KNL1: variants seen among roughly 807,000 people sequenced by gnomAD.
KNL1 encodes the protein kinetochore scaffold 1, also known as outer kinetochore KNL1 complex subunit KNL1.
KNL1 carries 66 observed loss-of-function variants against 201.3 expected under a neutral mutation model. The observed-to-expected ratio is 0.33, with a 90% CI of 0.27 to 0.40. The LOEUF (loss-of-function observed/expected upper bound fraction) is 0.40. Among genes scored for constraint, KNL1 ranks in the 10% least tolerant of loss-of-function variants. The pLI is 1.00. For missense variants in KNL1, 2,815 were observed against 2,690.5 expected (o/e 1.05, Z -1.02); for synonymous variants, 895 against 899.2 (o/e 1.00, Z 0.08).
chr15:40,617,383 T>C (rs942331861), intron 8 of KNL1, among the ~76,000 whole-genome samples: 1 of 152,142 alleles, frequency 6.6e-6, no homozygotes, highest in African/African-American at 2.4e-5. Context: ...ACAAACTAAC[T>C]GCTCAGTCCA....
At chr15:40,659,263 C>CAA (rs879185238) in intron 24 of KNL1, 76 bp from the exon 25 acceptor site, 2,690 of 1,038,248 alleles carry the variant, frequency 2.6e-3, no homozygotes, top group East Asian at 3.4e-3. Context: ...GACTCCGTCT[C>CAA]AAAAAAAAAA....
Position 40,662,776 on chromosome 15 carries a change from A to C in KNL1, c.*588A>C, listed in dbSNP as rs1893947011. 1 of 177,980 alleles carries C rather than the reference A, an allele frequency of 5.6e-6. No homozygotes were observed. Among genetic ancestry groups the C allele is most frequent in the African/African-American group, 2.4e-5 (1 of 42,290 alleles). 11.0% of individuals were successfully genotyped at this position (177,980 alleles called of 1,614,324 possible). On this transcript the variant is annotated 3_prime_UTR_variant, in exon 26 of 26. Coordinates refer to ENST00000399668, the MANE Select transcript of KNL1 (RefSeq NM_144508.5). ...GGAATTCAAGACCAGCCTGGGCAAC[A>C]TGGCAAAACCCCACCTCTACAAAAA...
chr15:40,624,719 A>T lies in KNL1; in HGVS notation c.4455A>T (p.Ile1485=). 1.2e-6 allele frequency: 2 copies of T among 1,613,504 alleles called. No individual in the cohort carries two copies. The highest frequency in any genetic ancestry group is 1.7e-6 in the Non-Finnish European group (2 of 1,179,800). ...LNIIENSSAP[I]CENKPKILNS... ...TTATAGAAAATTCCTCTGCACCCAT[A>T]TGTGAAAACAAGCCCAAAATACTCA... is the stretch of plus-strand genomic sequence containing the variant. The change falls in exon 10 of 26, where the codon ATA becomes ATT. Residue 1485 remains isoleucine (I), a synonymous_variant. Coordinates refer to ENST00000399668, the MANE Select transcript of KNL1 (RefSeq NM_144508.5).
At chr15:40,606,590 G>C in intron 4 of KNL1, 138 bp downstream of exon 4, 1 of 531,918 alleles carries the variant, frequency 1.9e-6, no homozygotes, top group African/African-American at 1.9e-5. Flanking sequence ...TGGCATTCTT[G>C]ATTTTTCATT....
Position 40,621,537 on chromosome 15 carries a change from T to C in KNL1, c.1273T>C (p.Cys425Arg). The C allele has an allele frequency of 6.2e-7, 1 of 1,612,054 alleles. No homozygotes were observed. Among genetic ancestry groups the C allele is most frequent in the Non-Finnish European group, 8.5e-7 (1 of 1,179,074 alleles). Residue 425 changes from cysteine (C) to arginine (R), a missense_variant, in exon 10 of 26, where the codon TGT (cysteine) becomes CGT (arginine). Coordinates refer to ENST00000399668, the MANE Select transcript of KNL1 (RefSeq NM_144508.5). Reference protein sequence around the residue: ...SIYSNPSIQGCKTVFYSSCND... With the variant: ...SIYSNPSIQGRKTVFYSSCND... ...ATATTCTAATCCATCTATTCAAGGT[T>C]GTAAGACTGTTTTCTATTCTAGTTG...
intron 17 of KNL1, among the ~76,000 whole-genome samples, chr15:40,649,076 G>A (rs1468442043): frequency 3.3e-5 from 5 of 149,336 alleles, no homozygotes; most frequent in African/African-American, 4.9e-5. Flanking sequence ...GACCTCAGGT[G>A]ATCCGCCCGC....
Position 40,622,104 on chromosome 15 carries a change from G to A in KNL1, c.1840G>A (p.Glu614Lys). ...QSKSSSDECEEITKSRNEPFQ... is the reference protein window; with the variant it reads ...QSKSSSDECEKITKSRNEPFQ... ...CAAAAGCTCTTCAGATGAATGTGAA[G>A]AAATTACCAAAAGTCGTAATGAACC... The change falls in exon 10 of 26, where the codon GAA becomes AAA. Residue 614 changes from glutamate to lysine, a missense_variant. By Grantham distance (56) the Glu-to-Lys change is moderately conservative. Coordinates refer to ENST00000399668, the MANE Select transcript of KNL1 (RefSeq NM_144508.5). 1 of 1,614,058 alleles carries A rather than the reference G, an allele frequency of 6.2e-7. No homozygotes were observed. The highest frequency in any genetic ancestry group is 8.5e-7 in the Non-Finnish European group (1 of 1,179,974).
At chr15:40,601,295 C>T (rs987533479) in intron 1 of KNL1, among the ~76,000 whole-genome samples, 11 of 152,204 alleles carry the variant, frequency 7.2e-5, no homozygotes, top group Non-Finnish European at 1.3e-4. Context: ...TCACACCCTC[C>T]TGGTCTGTGG....
At chr15:40,639,270 G>A (rs1256540365) in intron 13 of KNL1, among the ~76,000 whole-genome samples, 2 of 144,324 alleles carry the variant, frequency 1.4e-5, no homozygotes, top group Non-Finnish European at 3.0e-5. Flanking sequence ...CCTGGGCAAC[G>A]TAGCAAAACC....
Position 40,608,904 on chromosome 15 carries a change from ATAAAG to A in KNL1, c.197_197+4del. ...TCGTCGAGTCAGCTTTGCAGATACT[ATAAAG>A]TAAGTTGAAAGCAGAAATAACTAAA... On this transcript the variant is annotated splice_donor_variant and coding_sequence_variant, in exon 5 of 26. Coordinates refer to ENST00000399668, the MANE Select transcript of KNL1 (RefSeq NM_144508.5). LOFTEE classifies it high-confidence loss of function. 6.2e-7 allele frequency: 1 copy of A among 1,607,528 alleles called. No individual in the cohort carries two copies. The highest frequency in any genetic ancestry group is 1.1e-5 in the South Asian group (1 of 90,918).
rs540350965 is a variant in KNL1, at chr15:40,595,213, G to GC, written c.-18+823dup. Among the ~76,000 whole-genome samples the GC allele has an allele frequency of 4.6e-4, 70 of 152,332 alleles. 1 individual carries two copies. Among genetic ancestry groups the GC allele is most frequent in the South Asian group, 4.1e-3 (20 of 4,832 alleles). ...ATTGGGTTCCTTATCCTGTGATAGG[G>GC]CCGGGGACAGATGATTCCCAAACCT... On this transcript the variant is annotated intron_variant, in intron 1 of 25. Transcript: ENST00000399668.
chr15:40,599,304 T>C (rs373696004), intron 1 of KNL1, among the ~76,000 whole-genome samples: 15 of 146,842 alleles, frequency 1.0e-4, no homozygotes, highest in African/African-American at 3.5e-4. Flanking sequence ...CAGAGCAAGA[T>C]TCTGCCTCAA....
intron 3 of KNL1, among the ~76,000 whole-genome samples, chr15:40,605,650 A>G (rs1891947224): frequency 6.6e-6 from 1 of 152,092 alleles, no homozygotes; most frequent in Non-Finnish European, 1.5e-5. Flanking sequence ...AGGTTTTGCC[A>G]TGTTGCCCAG....
In KNL1 at chr15:40,652,086, C is replaced by T; in HGVS notation, c.6396C>T (p.Ile2132=). The change falls in exon 21 of 26, where the codon ATC becomes ATT. Residue 2132 remains isoleucine, a synonymous_variant. Transcript: ENST00000399668. ...TTTATGACACGATACAACTCACCAT[C>T]ACCTTTGAAGAGTCAGTTGGTAAGG... The part of the protein sequence containing the change: ...TFVYDTIQLT[I]TFEESVVGFP... 1 of 1,612,758 alleles carries T rather than the reference C, an allele frequency of 6.2e-7. No individual in the cohort carries two copies.
chr15:40,619,007 A>T lies in KNL1; in HGVS notation c.371A>T (p.Lys124Met). The T allele has an allele frequency of 6.3e-7, 1 of 1,595,662 alleles. No homozygotes were observed. The highest frequency in any genetic ancestry group is 8.6e-7 in the Non-Finnish European group (1 of 1,164,054). Residue 124 changes from lysine to methionine, a missense_variant, in exon 9 of 26, where the codon AAG becomes ATG. Around this residue, in one of 3 missense-constraint regions of KNL1, gnomAD observed 2,464 missense variants for 2,291.7 expected, o/e 1.08. Coordinates refer to ENST00000399668, the MANE Select transcript of KNL1 (RefSeq NM_144508.5). The stretch of plus-strand genomic sequence containing the variant: ...CCCATTCATACCCAGATGCAACAGA[A>T]GGAGGTATGAGTTCATGCAAATACC... ...SAPIHTQMQQ[K>M]EFSIIEHTRE...
rs865870892 is a variant in KNL1 at position 40,626,355 on chromosome 15, G to A, written c.5376+715G>A. Among the ~76,000 whole-genome samples the A allele has an allele frequency of 3.8e-3, 567 of 148,468 alleles. 10 individuals are homozygous for A. The highest frequency in any genetic ancestry group is 0.013 in the African/African-American group (535 of 40,268). ...TTTTTTTTTTTTTGTATTTTTAGTAGAGATTGGGTTTCCCCATGTTGGCCA... is the reference window on the plus strand; with the variant it reads ...TTTTTTTTTTTTTGTATTTTTAGTAAAGATTGGGTTTCCCCATGTTGGCCA... On this transcript the variant is annotated intron_variant, in intron 10 of 25. Coordinates refer to ENST00000399668, the MANE Select transcript of KNL1 (RefSeq NM_144508.5).
chr15:40,651,351 CATT>C, intron 19 of KNL1, 117 bp from the exon 20 acceptor site: 1 of 409,040 alleles, frequency 2.4e-6, no homozygotes, highest in Non-Finnish European at 4.3e-6. Context: ...ATACACCTAA[CATT>C]ATTACCTCAA....
chr15:40,646,947 TAGAGGTTTAACTTG>T, intron 16 of KNL1, 26 bp from the exon 17 acceptor site: 2 of 849,268 alleles, frequency 2.4e-6, no homozygotes, highest in Non-Finnish European at 4.1e-6. Flanking sequence ...ATATTTTCTT[TAGAGGTTTAACTTG>T]ACAGTCTATA....
chr15:40,607,323 T>A (rs890487152), intron 4 of KNL1, among the ~76,000 whole-genome samples: 2 of 152,250 alleles, frequency 1.3e-5, no homozygotes, highest in African/African-American at 4.8e-5. Context: ...CAGTATTCTT[T>A]TTTTTCAGTA....
Sources: gnomAD v4.1 joint callset for allele counts (sites outside exome capture counted in the v4.1 genomes callset) on GRCh38, gnomAD v4.1.1 for gene constraint, gnomAD v4.1.1 regional missense constraint, MANE v1.5 for transcripts, NCBI Gene and HGNC (gene_info 2026-07-23, HGNC 2026-07-21) for gene names.